Variants in PTPRC observed in about 807,000 individuals in gnomAD.
The protein encoded by PTPRC is protein tyrosine phosphatase receptor type C.
PTPRC carries 44 observed loss-of-function variants against 155.9 expected under a neutral mutation model. The ratio of observed to expected loss-of-function variants is 0.28; its 90% CI spans 0.22 to 0.36. The LOEUF (loss-of-function observed/expected upper bound fraction) is 0.36. PTPRC is among the 10% of genes least tolerant of loss of function. PTPRC has a pLI of 1.00. For synonymous variants in PTPRC, 525 were observed against 533.1 expected, an observed-to-expected ratio of 0.98 and a Z score of 0.21; for missense variants, 1,401 against 1,564.6, an observed-to-expected ratio of 0.90 and a Z score of 1.76.
chr1:198,728,088 A>G (rs1341578802), intron 15 of PTPRC, among the ~76,000 whole-genome samples: 1 of 152,220 alleles, frequency 6.6e-6, no homozygotes, highest in Non-Finnish European at 1.5e-5. Context: ...TTATTTAATC[A>G]AAAGAAAGAT....
chr1:198,705,875 C>T (rs1225593088), intron 8 of PTPRC, among the ~76,000 whole-genome samples: 3 of 152,152 alleles, frequency 2.0e-5, no homozygotes, highest in Non-Finnish European at 4.4e-5. Flanking sequence ...AACTAAGTCA[C>T]TTTCTCTGGA....
chr1:198,684,795 TG>T (rs1665529103), intron 2 of PTPRC, among the ~76,000 whole-genome samples: 1 of 152,064 alleles, frequency 6.6e-6, no homozygotes, highest in African/African-American at 2.4e-5. Context: ...AAATATGAAT[TG>T]TAGTTGGTTA....
chr1:198,642,655 A>G (rs989549011), intron 2 of PTPRC, among the ~76,000 whole-genome samples: 1 of 151,954 alleles, frequency 6.6e-6, no homozygotes, highest in African/African-American at 2.4e-5. Context: ...CATTGCCATC[A>G]TCTTAATTCA....
chr1:198,732,681 CAAA>C, intron 20 of PTPRC, 125 bp downstream of exon 20: 1 of 716,752 alleles, frequency 1.4e-6, no homozygotes, highest in South Asian at 1.8e-5. Flanking sequence ...CTGATATAAA[CAAA>C]AAATTATCAA....
intron 2 of PTPRC, among the ~76,000 whole-genome samples, chr1:198,672,387 A>G (rs1664694349): frequency 6.6e-6 from 1 of 152,168 alleles, no homozygotes; most frequent in African/African-American, 2.4e-5. Context: ...TTGTAAGATA[A>G]TAAATTCCTT....
chr1:198,744,982 T>A (rs1281558370), intron 26 of PTPRC, among the ~76,000 whole-genome samples: 1 of 151,942 alleles, frequency 6.6e-6, no homozygotes, highest in Non-Finnish European at 1.5e-5. Context: ...CCTGTACTTA[T>A]AATGGAAGAA....
intron 13 of PTPRC, 68 bp downstream of exon 13, chr1:198,716,908 C>A: frequency 7.0e-7 from 1 of 1,431,132 alleles, no homozygotes; most frequent in Non-Finnish European, 9.8e-7. Flanking sequence ...TTTTAGCCTA[C>A]AATATTTCTA....
intron 17 of PTPRC, among the ~76,000 whole-genome samples, chr1:198,729,763 A>T (rs2102477606): frequency 6.6e-6 from 1 of 152,254 alleles, no homozygotes; most frequent in East Asian, 1.9e-4. Flanking sequence ...AACAAATATG[A>T]CGGTAATTTG....
At chr1:198,652,201 C>T (rs997938300) in intron 2 of PTPRC, among the ~76,000 whole-genome samples, 14 of 151,662 alleles carry the variant, frequency 9.2e-5, no homozygotes, top group African/African-American at 2.9e-4. Flanking sequence ...CTCTTCCTGT[C>T]GCTGCTTAAT....
At chr1:198,698,905 TCC>T (rs1666333588) in intron 4 of PTPRC, among the ~76,000 whole-genome samples, 3 of 152,190 alleles carry the variant, frequency 2.0e-5, no homozygotes, top group Non-Finnish European at 4.4e-5. Flanking sequence ...TTGTTGTATA[TCC>T]TCCAGGCTCT....
chr1:198,724,009 A>G (rs1654013173), intron 15 of PTPRC, among the ~76,000 whole-genome samples: 1 of 152,202 alleles, frequency 6.6e-6, no homozygotes, highest in Non-Finnish European at 1.5e-5. Context: ...AATAGAGTTC[A>G]CATATAGCAC....
At chr1:198,640,681 A>G (rs894945489) in intron 2 of PTPRC, among the ~76,000 whole-genome samples, 1 of 152,048 alleles carries the variant, frequency 6.6e-6, no homozygotes, top group African/African-American at 2.4e-5. Flanking sequence ...AAATCAGAAC[A>G]GATTTTCATT....
intron 16 of PTPRC, among the ~76,000 whole-genome samples, chr1:198,728,805 A>G (rs1305501382): frequency 6.6e-6 from 1 of 152,224 alleles, no homozygotes; most frequent in African/African-American, 2.4e-5. Flanking sequence ...TTCTTTGGTC[A>G]GAAACAACCA....
At chr1:198,657,019 G>GT (rs67858981) in intron 2 of PTPRC, among the ~76,000 whole-genome samples, 49 of 146,906 alleles carry the variant, frequency 3.3e-4, no homozygotes, top group African/African-American at 5.0e-4. Context: ...GAATCAAGAG[G>GT]TTTTTTTTTT....
intron 3 of PTPRC, among the ~76,000 whole-genome samples, chr1:198,696,075 G>A (rs190005460): frequency 3.3e-5 from 5 of 151,972 alleles, no homozygotes; most frequent in African/African-American, 9.6e-5. Flanking sequence ...CAAGAGAATC[G>A]CTTGAACCAG....
chr1:198,659,549 T>A (rs1264112610), intron 2 of PTPRC, among the ~76,000 whole-genome samples: 5 of 151,280 alleles, frequency 3.3e-5, no homozygotes, highest in East Asian at 3.9e-4. Context: ...ATATATATTT[T>A]TTTTTTTGCT....
At chr1:198,694,253 T>C in intron 3 of PTPRC, 2 of 966,264 alleles carry the variant, frequency 2.1e-6, no homozygotes, top group Non-Finnish European at 2.6e-6. Flanking sequence ...TCACTTCTCC[T>C]ACCTTCTTGT....
At chr1:198,724,053 C>T (rs1654015549) in intron 15 of PTPRC, among the ~76,000 whole-genome samples, 1 of 152,142 alleles carries the variant, frequency 6.6e-6, no homozygotes, top group African/African-American at 2.4e-5. Flanking sequence ...AATCAAGGGT[C>T]ATTTTGCCAT....
intron 2 of PTPRC, among the ~76,000 whole-genome samples, chr1:198,663,899 G>C (rs913138369): frequency 2.6e-5 from 4 of 151,992 alleles, no homozygotes; most frequent in Non-Finnish European, 5.9e-5. Flanking sequence ...ATGACATCAT[G>C]TTACCTGCCT....
Sources: allele counts gnomAD v4.1 joint callset (sites outside exome capture counted in the v4.1 genomes callset), GRCh38; gene constraint gnomAD v4.1.1; transcripts MANE v1.5; gene names NCBI Gene and HGNC (gene_info 2026-07-23, HGNC 2026-07-21).